The following MCC variants were observed in gnomAD, a reference collection of about 807,000 sequenced individuals.
The protein encoded by MCC is MCC regulator of Wnt signaling pathway, also known as colorectal mutant cancer protein.
Under a neutral mutation model 116.2 loss-of-function variants are expected in MCC, and 90 were observed. The observed-to-expected ratio is 0.77, with a 90% CI of 0.65 to 0.92. MCC has a LOEUF of 0.92. Ranked by LOEUF, MCC falls within the 40% of genes least tolerant of loss-of-function variation. The probability of loss-of-function intolerance (pLI) is 0.00; values close to 1 mark genes in which losing one functional copy is unlikely to be tolerated. For synonymous variants in MCC, 578 were observed against 510.5 expected, an observed-to-expected ratio of 1.13 and a Z score of -1.78; for missense variants, 1,516 against 1,312.2, an observed-to-expected ratio of 1.16 and a Z score of -2.40.
At chr5:113,146,314 T>G (rs1202087842) in intron 4 of MCC, among the ~76,000 whole-genome samples, 1 of 492 alleles carries the variant, frequency 2.0e-3, no homozygotes, top group Non-Finnish European at 0.019. Context: ...CCCCTCTGAT[T>G]CCTGTTTTTG....
intron 8 of MCC, among the ~76,000 whole-genome samples, chr5:113,091,224 C>G (rs192481888): frequency 3.3e-5 from 5 of 152,196 alleles, no homozygotes; most frequent in Non-Finnish European, 5.9e-5. Flanking sequence ...CTGTGGGACT[C>G]CAAACTTGAC....
At chr5:113,394,976 C>T (rs1769488295) in intron 1 of MCC, among the ~76,000 whole-genome samples, 1 of 152,068 alleles carries the variant, frequency 6.6e-6, no homozygotes, top group Non-Finnish European at 1.5e-5. Flanking sequence ...TGACAGAGAC[C>T]ATATGGCCCA....
chr5:113,294,438 G>A, intron 3 of MCC: 1 of 1,612,230 alleles, frequency 6.2e-7, no homozygotes, highest in Non-Finnish European at 8.5e-7. Flanking sequence ...GAGCTTAAGA[G>A]TTGGACTTCA....
intron 2 of MCC, among the ~76,000 whole-genome samples, chr5:113,341,362 T>C (rs974279610): frequency 3.3e-5 from 5 of 152,048 alleles, no homozygotes; most frequent in Admixed American, 6.6e-5. Flanking sequence ...AAAAATTTTT[T>C]TTGTAGACCT....
At chr5:113,296,817 T>C (rs991375233) in intron 3 of MCC, among the ~76,000 whole-genome samples, 1 of 152,134 alleles carries the variant, frequency 6.6e-6, no homozygotes, top group South Asian at 2.1e-4. Context: ...TGAACTCAAA[T>C]AGGCTAGTGT....
At chr5:113,442,920 A>G (rs1771084401) in intron 1 of MCC, among the ~76,000 whole-genome samples, 1 of 152,172 alleles carries the variant, frequency 6.6e-6, no homozygotes, top group Non-Finnish European at 1.5e-5. Flanking sequence ...TATAGTTTGA[A>G]GTCAGGTAGC....
chr5:113,221,401 T>C (rs527960783), intron 3 of MCC, among the ~76,000 whole-genome samples: 62 of 152,302 alleles, frequency 4.1e-4, no homozygotes, highest in African/African-American at 1.3e-3. Flanking sequence ...AGGAACTTAG[T>C]TTATGGTTTA....
chr5:113,368,643 T>C (rs764292074), intron 2 of MCC, among the ~76,000 whole-genome samples: 2 of 152,148 alleles, frequency 1.3e-5, no homozygotes, highest in Non-Finnish European at 2.9e-5. Flanking sequence ...TCCTATTCTT[T>C]CACTCAACAA....
chr5:113,474,223 G>A (rs558433450), intron 1 of MCC, among the ~76,000 whole-genome samples: 1 of 152,306 alleles, frequency 6.6e-6, no homozygotes, highest in African/African-American at 2.4e-5. Flanking sequence ...TTGAGTATGG[G>A]GAGAAAGGAA....
At chr5:113,432,659 C>A (rs1770696586) in intron 1 of MCC, 1 of 152,140 alleles carries the variant, frequency 6.6e-6, no homozygotes, top group Non-Finnish European at 1.5e-5. Flanking sequence ...CTATAGAAAT[C>A]AAAAGTTCAT....
chr5:113,428,740 A>C (rs568525735), intron 1 of MCC: 1 of 152,316 alleles, frequency 6.6e-6, no homozygotes, highest in East Asian at 1.9e-4. Context: ...GAAGAATTTA[A>C]GGGGAAACCT....
intron 3 of MCC, among the ~76,000 whole-genome samples, chr5:113,334,222 T>G (rs1173387259): frequency 6.7e-6 from 1 of 150,012 alleles, no homozygotes; most frequent in Non-Finnish European, 1.5e-5. Flanking sequence ...ATACACTTTT[T>G]GGGGGGATAG....
intron 3 of MCC, among the ~76,000 whole-genome samples, chr5:113,246,001 T>C (rs1306903594): frequency 6.6e-6 from 1 of 152,166 alleles, no homozygotes; most frequent in Non-Finnish European, 1.5e-5. Context: ...ATAAAGGCTT[T>C]TGAGATAAGG....
chr5:113,456,240 T>C (rs1210644106), intron 1 of MCC, among the ~76,000 whole-genome samples: 1 of 152,126 alleles, frequency 6.6e-6, no homozygotes, highest in African/African-American at 2.4e-5. Flanking sequence ...GCCACCTTCT[T>C]AGGTGGGACC....
At chr5:113,177,652 C>A (rs79274316) in intron 3 of MCC, among the ~76,000 whole-genome samples, 21,833 of 151,722 alleles carry the variant, frequency 0.14, 1,974 homozygotes, top group African/African-American at 0.25. Flanking sequence ...TACCAAAAAA[C>A]AAAATTGTTA....
Position 113,053,909 on chromosome 5 carries a change from T to C in MCC, c.2264A>G (p.Asp755Gly). 1 of 1,614,048 alleles carries C rather than the reference T, an allele frequency of 6.2e-7. No individual in the cohort carries two copies. ...GATATAATCCTTCAGCCTCTGCTCG[T>C]CTTCTTTAGTGAACTCGGTGTCGCA... ...SSCDTEFTKE[D>G]EQRLKDYIQQ... Residue 755 changes from aspartate to glycine, a missense_variant, in exon 15 of 19, where the codon GAC (aspartate) becomes GGC (glycine). Transcript: ENST00000408903.
At chr5:113,447,679 C>T (rs1196099979) in intron 1 of MCC, among the ~76,000 whole-genome samples, 1 of 152,140 alleles carries the variant, frequency 6.6e-6, no homozygotes, top group African/African-American at 2.4e-5. Context: ...ACTTGAGATA[C>T]TATTAAATTG....
intron 1 of MCC, among the ~76,000 whole-genome samples, chr5:113,477,768 A>G (rs1772273017): frequency 6.6e-6 from 1 of 152,196 alleles, no homozygotes; most frequent in Admixed American, 6.5e-5. Flanking sequence ...AGTCATGCCA[A>G]ACAAAGAAAG....
chr5:113,102,758 T>A (rs1756498146), intron 7 of MCC, among the ~76,000 whole-genome samples: 1 of 152,160 alleles, frequency 6.6e-6, no homozygotes, highest in Non-Finnish European at 1.5e-5. Context: ...CACAAGCCAG[T>A]GGATAATGAA....
Sources: allele counts gnomAD v4.1 joint callset (sites outside exome capture counted in the v4.1 genomes callset), GRCh38; gene constraint gnomAD v4.1.1; transcripts MANE v1.5; gene names NCBI Gene and HGNC (gene_info 2026-07-23, HGNC 2026-07-21).